PPIF: variants seen among roughly 807,000 people sequenced by gnomAD.
PPIF encodes peptidylprolyl isomerase F, also known as peptidyl-prolyl cis-trans isomerase F, mitochondrial.
A neutral mutation model predicts 20.2 loss-of-function variants in PPIF; 23 were observed. The observed-to-expected ratio is 1.14, with a 90% CI of 0.82 to 1.61. The LOEUF (loss-of-function observed/expected upper bound fraction) is 1.61. PPIF is among the 40% of genes most tolerant of loss of function. The probability of loss-of-function intolerance (pLI) is 0.00; values close to 1 mark genes in which losing one functional copy is unlikely to be tolerated. For synonymous variants in PPIF, 113 were observed against 123.1 expected (o/e 0.92, Z 0.54); for missense variants, 287 against 291.6 (o/e 0.98, Z 0.11).
intron 3 of PPIF, among the ~76,000 whole-genome samples, chr10:79,350,760 G>T (rs1007613110): frequency 3.9e-5 from 6 of 152,226 alleles, no homozygotes; most frequent in African/African-American, 1.4e-4. Flanking sequence ...TATCAATTAG[G>T]GAGCACCTAA....
At chr10:79,353,506 T>A in intron 5 of PPIF, 1 of 816,848 alleles carries the variant, frequency 1.2e-6, no homozygotes, top group Non-Finnish European at 1.9e-6. Context: ...AGTGACAGAA[T>A]GTGTCCTGGA....
chr10:79,349,302 C>T (rs1333455768), intron 2 of PPIF, among the ~76,000 whole-genome samples, 196 bp downstream of exon 2: 6 of 152,250 alleles, frequency 3.9e-5, no homozygotes. Flanking sequence ...CTCTGCCCTC[C>T]TCTCTCATAG....
Position 79,349,516 on chromosome 10 carries a change from C to T in PPIF, c.227-149C>T, listed in dbSNP as rs192705487. Reference sequence around the variant, plus strand: ...GGGAGTGACTTGTCCAGTTACATAGCGAGTTGGGCAGAGCAGACCCAAGAG... The same window carrying T: ...GGGAGTGACTTGTCCAGTTACATAGTGAGTTGGGCAGAGCAGACCCAAGAG... On this transcript the variant is annotated intron_variant, in intron 2 of 5. Coordinates refer to ENST00000225174, the MANE Select transcript of PPIF (RefSeq NM_005729.4). 536 of 1,405,188 alleles carry T rather than the reference C, an allele frequency of 3.8e-4. 1 individual carries two copies. The African/African-American group carries it at 6.3e-3, about 16-fold the overall frequency. 87.0% of individuals were successfully genotyped at this position (1,405,188 alleles called of 1,614,324 possible). A position where few individuals can be genotyped will look rare whatever the true frequency, so the allele number is the denominator to read the frequency against.
chr10:79,349,657 A>AC lies in PPIF; in HGVS notation c.227-5dup, dbSNP rs746834974. ...CCCTGTTGACCTGTGTTTCTCTTCG[A>AC]CCCTCAGAGAACTTCAGAGCCCTGT... On this transcript the variant is annotated splice_region_variant and splice_polypyrimidine_tract_variant and intron_variant, in intron 2 of 5. Transcript: ENST00000225174. 6.2e-7 allele frequency: 1 copy of AC among 1,612,744 alleles called. No individual in the cohort carries two copies. The highest frequency in any genetic ancestry group is 8.5e-7 in the Non-Finnish European group (1 of 1,179,934).
Position 79,349,822 on chromosome 10 carries a change from C to T in PPIF, c.315+69C>T, listed in dbSNP as rs1267076661. The T allele has an allele frequency of 5.6e-6, 9 of 1,604,260 alleles. No individual in the cohort carries two copies. The African/African-American group carries it at 1.1e-4, about 19-fold the overall frequency. ...CTGCCTTGTGGGTGTGTGAAGATGC[C>T]TGGTATGAGGAAGGTGCTGAGCAGA... On this transcript the variant is annotated intron_variant, in intron 3 of 5. Transcript: ENST00000225174.
At chr10:79,352,771 C>T (rs1855999558) in intron 5 of PPIF, among the ~76,000 whole-genome samples, 1 of 152,204 alleles carries the variant, frequency 6.6e-6, no homozygotes, top group Non-Finnish European at 1.5e-5. Context: ...CCTGGAGTTT[C>T]CCAGGCTTGT....
At chr10:79,353,533 G>C (rs1589647733) in intron 5 of PPIF, 174 bp from the exon 6 acceptor site, 1 of 1,106,914 alleles carries the variant, frequency 9.0e-7, no homozygotes, top group East Asian at 2.5e-5. Context: ...GCATCCTCTG[G>C]GGTGTATTTG....
intron 1 of PPIF, 23 bp from the exon 2 acceptor site, chr10:79,349,053 T>C (rs1382147453): frequency 1.2e-6 from 2 of 1,613,784 alleles, no homozygotes; most frequent in Non-Finnish European, 1.7e-6. Context: ...CCATCCTCTT[T>C]TGTCCTTCTT....
chr10:79,351,047 C>T (rs565890085), intron 3 of PPIF, among the ~76,000 whole-genome samples: 67 of 152,280 alleles, frequency 4.4e-4, no homozygotes, highest in Middle Eastern at 3.4e-3. Flanking sequence ...GGGCAGTGCG[C>T]GGACAGTGAG....
intron 3 of PPIF, among the ~76,000 whole-genome samples, chr10:79,350,521 C>T (rs1437063575): frequency 6.6e-6 from 1 of 152,190 alleles, no homozygotes; most frequent in South Asian, 2.1e-4. Context: ...GTCATCGTAC[C>T]GTGGTAAGTG....
intron 2 of PPIF, 94 bp downstream of exon 2, chr10:79,349,200 A>T (rs2233718): frequency 1.2e-6 from 2 of 1,607,470 alleles, no homozygotes; most frequent in Non-Finnish European, 1.7e-6. Flanking sequence ...GTCGGGGCTC[A>T]GAGACCCCTG....
Position 79,349,714 on chromosome 10 carries a change from C to T in PPIF, c.276C>T (p.Gly92=), listed in dbSNP as rs758578330. The stretch of plus-strand genomic sequence containing the variant: ...GTGAGAAGGGCTTCGGCTACAAAGG[C>T]TCCACCTTCCACAGGGTGATCCCTT... ...CTGEKGFGYK[G]STFHRVIPSF... is the part of the protein sequence containing the mutation. The change falls in exon 3 of 6, where the codon GGC becomes GGT. Residue 92 remains glycine, a synonymous_variant. Coordinates refer to ENST00000225174, the MANE Select transcript of PPIF (RefSeq NM_005729.4). 1 of 1,613,980 alleles carries T rather than the reference C, an allele frequency of 6.2e-7. No individual in the cohort carries two copies. The highest frequency in any genetic ancestry group is 8.5e-7 in the Non-Finnish European group (1 of 1,180,028).
In PPIF at chr10:79,353,692, C is replaced by T; in HGVS notation, c.489-15C>T. 1.9e-6 allele frequency: 3 copies of T among 1,614,220 alleles called. No individual in the cohort carries two copies. The highest frequency in any genetic ancestry group is 2.5e-6 in the Non-Finnish European group (3 of 1,180,030). ...GCGCTACACTGTTGCTCACCCGGGT[C>T]ACCCGTCCTCACAGGTTGGATGGCA... is the stretch of plus-strand genomic sequence containing the variant. On this transcript the variant is annotated splice_polypyrimidine_tract_variant and intron_variant, in intron 5 of 5. Coordinates refer to ENST00000225174, the MANE Select transcript of PPIF (RefSeq NM_005729.4).
intron 3 of PPIF, among the ~76,000 whole-genome samples, chr10:79,350,364 T>G (rs1589646453): frequency 6.6e-6 from 1 of 152,096 alleles, no homozygotes; most frequent in Non-Finnish European, 1.5e-5. Context: ...TTGGGGCTGG[T>G]CTTCTATTAG....
Position 79,347,656 on chromosome 10 carries a change from C to T in PPIF, c.108C>T (p.Asp36=). The change falls in exon 1 of 6, where the codon GAC becomes GAT. Residue 36 remains aspartate (D), a synonymous_variant. Coordinates refer to ENST00000225174, the MANE Select transcript of PPIF (RefSeq NM_005729.4). The part of the protein sequence containing the change: ...AARACSKGSG[D]PSSSSSSGNP... Reference sequence around the variant, plus strand: ...GCGCCTGCAGCAAGGGCTCCGGCGACCCGTCCTCTTCCTCCTCCTCCGGGA... The same window carrying T: ...GCGCCTGCAGCAAGGGCTCCGGCGATCCGTCCTCTTCCTCCTCCTCCGGGA... 6.8e-7 allele frequency: 1 copy of T among 1,470,254 alleles called. No individual in the cohort carries two copies. The highest frequency in any genetic ancestry group is 9.0e-7 in the Non-Finnish European group (1 of 1,107,388). 91.1% of individuals were successfully genotyped at this position (1,470,254 alleles called of 1,614,324 possible).
intron 3 of PPIF, 181 bp downstream of exon 3, chr10:79,349,934 A>G (rs946130194): frequency 1.0e-5 from 14 of 1,334,880 alleles, no homozygotes; most frequent in Middle Eastern, 2.7e-4. Flanking sequence ...CCCAGCCCCA[A>G]CCCGCTGCCA....
chr10:79,347,516 CCCCGCCCGTGT>C lies in PPIF; in HGVS notation c.-24_-14del, dbSNP rs1025419088. The C allele has an allele frequency of 3.1e-6, 4 of 1,286,144 alleles. No homozygotes were observed. The highest frequency in any genetic ancestry group is 3.0e-4 in the Middle Eastern group (1 of 3,336). 79.7% of individuals were successfully genotyped at this position (1,286,144 alleles called of 1,614,324 possible). On this transcript the variant is annotated 5_prime_UTR_variant, in exon 1 of 6. Coordinates refer to ENST00000225174, the MANE Select transcript of PPIF (RefSeq NM_005729.4). ...GACGTCAGTTTGAGTTCTGTGTTCT[CCCCGCCCGTGT>C]CCCGCCCGACCCGCGCCCGCGATGC...
chr10:79,352,261 C>A (rs1855991630), intron 4 of PPIF, 56 bp from the exon 5 acceptor site: 6 of 1,516,720 alleles, frequency 4.0e-6, no homozygotes, highest in Non-Finnish European at 5.5e-6. Flanking sequence ...TTTCAAATGC[C>A]CTCCCAGGCA....
chr10:79,349,929 C>T (rs1459352759), intron 3 of PPIF, 176 bp downstream of exon 3: 2 of 1,372,902 alleles, frequency 1.5e-6, no homozygotes, highest in African/African-American at 1.5e-5. Flanking sequence ...GGAAGCCCAG[C>T]CCCAACCCGC....
Sources: allele counts gnomAD v4.1 joint callset (sites outside exome capture counted in the v4.1 genomes callset), GRCh38; gene constraint gnomAD v4.1.1; transcripts MANE v1.5; gene names NCBI Gene and HGNC (gene_info 2026-07-23, HGNC 2026-07-21).